The following PTPRG variants were observed in gnomAD, a reference collection of about 807,000 sequenced individuals.
PTPRG encodes the protein protein tyrosine phosphatase receptor type G.
PTPRG carries 102 observed loss-of-function variants against 165.3 expected under a neutral mutation model. That is an observed-to-expected ratio of 0.62 (90% confidence interval 0.53 to 0.73). The LOEUF (loss-of-function observed/expected upper bound fraction) is 0.73, where lower values mean the gene tolerates loss of function less well. Among genes scored for constraint, PTPRG ranks in the 30% least tolerant of loss-of-function variants. The pLI is 0.00. For synonymous variants in PTPRG, 675 were observed against 669.5 expected, an observed-to-expected ratio of 1.01 and a Z score of -0.13; for missense variants, 1,866 against 1,861.4, an observed-to-expected ratio of 1.00 and a Z score of -0.05.
chr3:61,986,853 G>A (rs2040776082), intron 2 of PTPRG, among the ~76,000 whole-genome samples: 1 of 152,126 alleles, frequency 6.6e-6, no homozygotes. Flanking sequence ...GAGAGAGGAA[G>A]GCTTCTTGTT....
intron 1 of PTPRG, among the ~76,000 whole-genome samples, chr3:61,655,397 G>A (rs907045932): frequency 2.6e-5 from 4 of 152,064 alleles, no homozygotes; most frequent in African/African-American, 9.7e-5. Context: ...ATTGTTATCA[G>A]TTTCACTTAT....
intron 5 of PTPRG, chr3:62,118,546 T>C (rs1702946661): frequency 1.3e-5 from 2 of 152,240 alleles, no homozygotes; most frequent in African/African-American, 4.8e-5. Context: ...GGAAAAAGGC[T>C]AGAAACTTGC....
At chr3:62,268,838 C>G (rs1701967970) in intron 19 of PTPRG, among the ~76,000 whole-genome samples, 197 bp from the exon 20 acceptor site, 1 of 152,180 alleles carries the variant, frequency 6.6e-6, no homozygotes, top group South Asian at 2.1e-4. Context: ...CTCACATGGT[C>G]TCACACAAAC....
At chr3:62,096,669 G>A (rs953149976) in intron 5 of PTPRG, among the ~76,000 whole-genome samples, 2 of 152,106 alleles carry the variant, frequency 1.3e-5, no homozygotes, top group East Asian at 1.9e-4. Context: ...GGGGGATTTC[G>A]TTAGTGTATT....
chr3:61,991,901 C>T lies in PTPRG; in HGVS notation c.370+2097C>T, dbSNP rs536219099. ...GTATGTAGGGTTCACTCGATGCAAG[C>T]TGATTCATGACCTTGGTCTTCCAGA... On this transcript the variant is annotated intron_variant, in intron 3 of 29. Coordinates refer to ENST00000474889, the MANE Select transcript of PTPRG (RefSeq NM_002841.4). 1.9e-3 allele frequency among the ~76,000 whole-genome samples: 285 copies of T among 152,332 alleles called. 2 individuals carry two copies. Among genetic ancestry groups the T allele is most frequent in the African/African-American group, 6.7e-3 (280 of 41,570 alleles).
chr3:61,574,624 G>T (rs922686388), intron 1 of PTPRG, among the ~76,000 whole-genome samples: 3 of 152,160 alleles, frequency 2.0e-5, no homozygotes, highest in African/African-American at 7.2e-5. Context: ...TGTGATAGAG[G>T]TTTGCATGCT....
At chr3:61,974,562 A>AT (rs35145176) in intron 2 of PTPRG, among the ~76,000 whole-genome samples, 2 of 51,208 alleles carry the variant, frequency 3.9e-5, no homozygotes, top group Admixed American at 3.0e-4. Flanking sequence ...TAAAAAAAAA[A>AT]TTTTTTTTTA....
chr3:62,022,376 G>A (rs987809052), intron 4 of PTPRG, among the ~76,000 whole-genome samples: 1 of 152,120 alleles, frequency 6.6e-6, no homozygotes, highest in Non-Finnish European at 1.5e-5. Flanking sequence ...CTAGGACTTG[G>A]CAGAACAATA....
chr3:61,915,015 G>C (rs374150204), intron 2 of PTPRG, among the ~76,000 whole-genome samples: 5 of 152,320 alleles, frequency 3.3e-5, no homozygotes, highest in African/African-American at 1.2e-4. Flanking sequence ...CGGATCACCA[G>C]GTCAGGAGTT....
chr3:61,700,506 C>A (rs2030894000), intron 1 of PTPRG, among the ~76,000 whole-genome samples: 1 of 152,142 alleles, frequency 6.6e-6, no homozygotes, highest in Admixed American at 6.5e-5. Flanking sequence ...CTAAATTGGG[C>A]TCAGTGAATT....
At chr3:61,934,161 G>A (rs1473220371) in intron 2 of PTPRG, among the ~76,000 whole-genome samples, 2 of 152,198 alleles carry the variant, frequency 1.3e-5, no homozygotes, top group Non-Finnish European at 2.9e-5. Context: ...CCAGTCTTAA[G>A]CGTAGCTCTC....
chr3:62,269,012 T>C, intron 19 of PTPRG, 23 bp from the exon 20 acceptor site: 1 of 1,538,064 alleles, frequency 6.5e-7, no homozygotes, highest in South Asian at 1.3e-5. Flanking sequence ...CAGTTATACT[T>C]TACAACTTTT....
intron 2 of PTPRG, among the ~76,000 whole-genome samples, chr3:61,885,669 CT>C (rs1205236628): frequency 6.8e-4 from 36 of 53,064 alleles, no homozygotes; most frequent in South Asian, 1.5e-3. Flanking sequence ...CTCCTCTCCT[CT>C]CCTCTCCTCT....
chr3:61,756,561 CTTA>C (rs2033640931), intron 2 of PTPRG, among the ~76,000 whole-genome samples: 1 of 152,032 alleles, frequency 6.6e-6, no homozygotes, highest in African/African-American at 2.4e-5. Flanking sequence ...GAGTTCTTTT[CTTA>C]TTTTTTTTAA....
intron 4 of PTPRG, among the ~76,000 whole-genome samples, chr3:62,075,560 C>G (rs914115865): frequency 5.3e-5 from 8 of 152,172 alleles, no homozygotes; most frequent in Middle Eastern, 3.2e-3. Context: ...AGAAAACTCT[C>G]CAAAAGAAAA....
chr3:62,127,994 A>C (rs1352530962), intron 5 of PTPRG, among the ~76,000 whole-genome samples: 1 of 152,238 alleles, frequency 6.6e-6, no homozygotes, highest in African/African-American at 2.4e-5. Flanking sequence ...AGATTTCATG[A>C]GCGTTTATGT....
chr3:62,200,334 A>C (rs1004190448), intron 10 of PTPRG, among the ~76,000 whole-genome samples: 10 of 152,028 alleles, frequency 6.6e-5, no homozygotes, highest in African/African-American at 2.4e-4. Flanking sequence ...GCAATGATGC[A>C]ATCTCTGCTC....
At chr3:61,947,533 G>A (rs1320872223) in intron 2 of PTPRG, among the ~76,000 whole-genome samples, 4 of 152,228 alleles carry the variant, frequency 2.6e-5, no homozygotes, top group Admixed American at 6.5e-5. Flanking sequence ...ACTTGTATCC[G>A]TTAGGATTTA....
intron 1 of PTPRG, among the ~76,000 whole-genome samples, chr3:61,681,871 C>G (rs1018939772): frequency 1.3e-5 from 2 of 152,002 alleles, no homozygotes; most frequent in South Asian, 2.1e-4. Context: ...AACTAGTGGC[C>G]GGGCGCAGTG....
Sources: gnomAD v4.1 joint callset for allele counts (sites outside exome capture counted in the v4.1 genomes callset) on GRCh38, gnomAD v4.1.1 for gene constraint, MANE v1.5 for transcripts, NCBI Gene and HGNC (gene_info 2026-07-23, HGNC 2026-07-21) for gene names.